The following ASTN2 variants were observed in gnomAD, a reference collection of about 807,000 sequenced individuals.
The protein encoded by ASTN2 is astrotactin-2.
Under a neutral mutation model 139.8 loss-of-function variants are expected in ASTN2, and 54 were observed. That is an observed-to-expected ratio of 0.39 (90% CI 0.31 to 0.48). The LOEUF is 0.48. ASTN2 is among the 20% of genes least tolerant of loss of function. The pLI, the probability that ASTN2 is intolerant of heterozygous loss-of-function variation, is 0.95. For missense variants in ASTN2, 1,565 were observed against 1,725.1 expected (o/e 0.91, Z 1.64); for synonymous variants, 756 against 719.5 (o/e 1.05, Z -0.81).
rs1388653447 is a variant in ASTN2, at chr9:116,424,778, G to A, written c.*1073C>T. On this transcript the variant is annotated 3_prime_UTR_variant, in exon 23 of 23. Coordinates refer to ENST00000313400, the MANE Select transcript of ASTN2 (RefSeq NM_001365068.1). ...TATTTTTTGTATTGTTAGTAGAGAC[G>A]GGGTTTCACCACATTAGCCAGGCTG... Among the ~76,000 whole-genome samples, 4 of 151,832 alleles carry A rather than the reference G, an allele frequency of 2.6e-5. No homozygotes were observed. Among genetic ancestry groups the A allele is most frequent in the Admixed American group, 6.6e-5 (1 of 15,222 alleles).
intron 1 of ASTN2, among the ~76,000 whole-genome samples, chr9:117,315,263 G>A (rs1252423123): frequency 2.0e-5 from 3 of 152,182 alleles, no homozygotes; most frequent in South Asian, 2.1e-4. Context: ...GCACAGTGGT[G>A]TTTAAGAAGG....
intron 18 of ASTN2, among the ~76,000 whole-genome samples, chr9:116,619,034 G>T (rs999370064): frequency 2.0e-5 from 3 of 152,058 alleles, no homozygotes; most frequent in African/African-American, 4.8e-5. Context: ...ACAAAAGGGG[G>T]AAAGGCTCAA....
chr9:117,343,920 G>A (rs1484631051), intron 1 of ASTN2, among the ~76,000 whole-genome samples: 1 of 152,114 alleles, frequency 6.6e-6, no homozygotes, highest in Non-Finnish European at 1.5e-5. Flanking sequence ...AAGGCAGCAA[G>A]GACAGAAGAA....
At chr9:117,144,415 T>C (rs1423479215) in intron 3 of ASTN2, among the ~76,000 whole-genome samples, 2 of 152,192 alleles carry the variant, frequency 1.3e-5, no homozygotes, top group African/African-American at 4.8e-5. Context: ...TTGTCCAACC[T>C]GCGGCCCAGG....
At chr9:116,883,861 G>A (rs1284453992) in intron 10 of ASTN2, among the ~76,000 whole-genome samples, 1 of 152,166 alleles carries the variant, frequency 6.6e-6, no homozygotes, top group East Asian at 1.9e-4. Context: ...CAGAGCTTCT[G>A]GATTTGGGAC....
intron 10 of ASTN2, among the ~76,000 whole-genome samples, chr9:116,887,631 A>T (rs2132382366): frequency 6.6e-6 from 1 of 152,218 alleles, no homozygotes; most frequent in Admixed American, 6.5e-5. Flanking sequence ...AGGAGTTTTG[A>T]GCAAAGACTG....
chr9:116,926,660 T>A (rs1464903578), intron 10 of ASTN2, among the ~76,000 whole-genome samples: 1 of 152,216 alleles, frequency 6.6e-6, no homozygotes, highest in South Asian at 2.1e-4. Context: ...ATGGACCTTA[T>A]ATACTTTGCT....
intron 10 of ASTN2, among the ~76,000 whole-genome samples, chr9:116,962,381 T>C (rs2132505094): frequency 6.6e-6 from 1 of 152,304 alleles, no homozygotes; most frequent in Admixed American, 6.5e-5. Flanking sequence ...TCCCAAAATA[T>C]GTGTGTGTGC....
intron 1 of ASTN2, among the ~76,000 whole-genome samples, chr9:117,403,175 C>G (rs1830885999): frequency 6.6e-6 from 1 of 152,178 alleles, no homozygotes; most frequent in Admixed American, 6.5e-5. Flanking sequence ...CCTTGAGAGC[C>G]TGAGGTCTAC....
At chr9:116,530,620 ATAAG>A (rs1266569685) in intron 19 of ASTN2, among the ~76,000 whole-genome samples, 2 of 152,140 alleles carry the variant, frequency 1.3e-5, no homozygotes, top group Non-Finnish European at 2.9e-5. Context: ...TATCAGAAAA[ATAAG>A]TAACTAAAAC....
intron 1 of ASTN2, among the ~76,000 whole-genome samples, chr9:117,384,146 C>G (rs7853500): frequency 0.63 from 96,382 of 151,914 alleles, 30,893 homozygotes; most frequent in Middle Eastern, 0.72. Flanking sequence ...GGTTGCGTGA[C>G]TGCAAATCAT....
intron 19 of ASTN2, among the ~76,000 whole-genome samples, chr9:116,513,877 T>C (rs1156870797): frequency 6.6e-6 from 1 of 152,034 alleles, no homozygotes; most frequent in Non-Finnish European, 1.5e-5. Context: ...TTCTCTGCAT[T>C]GGTTATTCTA....
At chr9:116,586,941 C>A (rs1360687859) in intron 19 of ASTN2, among the ~76,000 whole-genome samples, 2 of 151,696 alleles carry the variant, frequency 1.3e-5, no homozygotes, top group East Asian at 3.9e-4. Context: ...TAGAGAGGAG[C>A]CACGCTCTCA....
intron 17 of ASTN2, among the ~76,000 whole-genome samples, chr9:116,629,048 T>C (rs144650084): frequency 1.8e-3 from 271 of 152,024 alleles, no homozygotes; most frequent in Middle Eastern, 3.4e-3. Context: ...GGCATCTCCC[T>C]GTTAGTTCCT....
intron 6 of ASTN2, among the ~76,000 whole-genome samples, chr9:117,020,024 GTGTGTGTGTGTGTGTGTGTGTA>G (rs1405601066): frequency 6.6e-6 from 1 of 151,366 alleles, no homozygotes; most frequent in Non-Finnish European, 1.5e-5. Flanking sequence ...GTGTGTGTGT[GTGTGTGTGTGTGTGTGTGTGTA>G]TGTGTGTGTG....
intron 1 of ASTN2, among the ~76,000 whole-genome samples, chr9:117,371,869 C>T (rs1830000235): frequency 6.6e-6 from 1 of 152,064 alleles, no homozygotes. Context: ...CACCCGCCAC[C>T]TTTCACACAG....
chr9:116,753,952 C>G (rs1245500525), intron 13 of ASTN2, among the ~76,000 whole-genome samples: 2 of 152,014 alleles, frequency 1.3e-5, no homozygotes, highest in African/African-American at 2.4e-5. Context: ...CCGAGCCCCA[C>G]ACCTTGCAAC....
At chr9:116,427,546 G>C (rs1001062530) in intron 22 of ASTN2, among the ~76,000 whole-genome samples, 3 of 152,246 alleles carry the variant, frequency 2.0e-5, no homozygotes, top group African/African-American at 7.2e-5. Context: ...GGCTACATGA[G>C]AGGTTCTCTC....
chr9:117,304,178 T>G (rs190838496), intron 1 of ASTN2, among the ~76,000 whole-genome samples: 1 of 152,262 alleles, frequency 6.6e-6, no homozygotes, highest in East Asian at 1.9e-4. Context: ...CCCATATAAA[T>G]AGGAGCAAAT....
Sources: allele counts gnomAD v4.1 joint callset (sites outside exome capture counted in the v4.1 genomes callset), GRCh38; gene constraint gnomAD v4.1.1; transcripts MANE v1.5; gene names NCBI Gene and HGNC (gene_info 2026-07-23, HGNC 2026-07-21).